Variants in NME7 observed in about 807,000 individuals in gnomAD.
NME7 encodes the protein NME/NM23 family member 7.
In NME7, 41 loss-of-function variants were observed where a neutral mutation model predicts 49.1. The ratio of observed to expected loss-of-function variants is 0.83; its 90% CI spans 0.65 to 1.08. The LOEUF is 1.08. Ranked by LOEUF, NME7 falls within the 50% of genes least tolerant of loss-of-function variation. NME7 has a pLI of 0.00. For synonymous variants in NME7, 139 were observed against 150.6 expected, an observed-to-expected ratio of 0.92 and a Z score of 0.56; for missense variants, 423 against 463.4, an observed-to-expected ratio of 0.91 and a Z score of 0.80.
rs1249686999 is a variant in NME7, at chr1:169,253,033, T to C, written c.755-15346A>G. Among the ~76,000 whole-genome samples, 8 of 150,986 alleles carry C rather than the reference T, an allele frequency of 5.3e-5. No individual in the cohort carries two copies. In the South Asian group the frequency reaches 1.7e-3, roughly 31 times the overall value. On this transcript the variant is annotated intron_variant, in intron 7 of 11. Coordinates refer to ENST00000367811, the MANE Select transcript of NME7 (RefSeq NM_013330.5). ...TTTGTTCTTTTGGCTTAGGATTGAC[T>C]TGGCGATGCGGGCTCTTTTTTGGTT...
At chr1:169,312,624 C>T (rs1651441108) in intron 3 of NME7, among the ~76,000 whole-genome samples, 1 of 152,160 alleles carries the variant, frequency 6.6e-6, no homozygotes, top group African/African-American at 2.4e-5. Flanking sequence ...CAGAAAATAA[C>T]AATTCTCACA....
intron 7 of NME7, chr1:169,285,541 G>C (rs1346046126): frequency 6.7e-6 from 1 of 150,028 alleles, no homozygotes; most frequent in Non-Finnish European, 1.5e-5. Flanking sequence ...AGAGGGAACA[G>C]AATGGAGATT....
chr1:169,240,280 T>C (rs1488884207), intron 7 of NME7, among the ~76,000 whole-genome samples: 1 of 151,960 alleles, frequency 6.6e-6, no homozygotes, highest in Non-Finnish European at 1.5e-5. Context: ...GAAGAGATTA[T>C]AGTATTTTTT....
intron 1 of NME7, among the ~76,000 whole-genome samples, chr1:169,360,025 G>T (rs1653600540): frequency 6.6e-6 from 1 of 152,168 alleles, no homozygotes. Context: ...TGAATACAAA[G>T]TTCATTGGGA....
intron 11 of NME7, among the ~76,000 whole-genome samples, chr1:169,152,752 G>A (rs995915317): frequency 6.6e-6 from 1 of 152,124 alleles, no homozygotes; most frequent in Non-Finnish European, 1.5e-5. Context: ...GTTACTGGAT[G>A]ATCAGAGTAT....
chr1:169,151,515 C>A (rs1658914522), intron 11 of NME7, among the ~76,000 whole-genome samples: 1 of 152,078 alleles, frequency 6.6e-6, no homozygotes, highest in African/African-American at 2.4e-5. Context: ...CCTCGGTGAC[C>A]CAGGGCTCAG....
intron 11 of NME7, among the ~76,000 whole-genome samples, chr1:169,158,929 A>C (rs1659161859): frequency 6.6e-6 from 1 of 152,232 alleles, no homozygotes. Flanking sequence ...CCTGGAGAAG[A>C]TACTGCTTTT....
At chr1:169,234,759 T>C (rs1558000174) in intron 9 of NME7, among the ~76,000 whole-genome samples, 1 of 152,224 alleles carries the variant, frequency 6.6e-6, no homozygotes, top group South Asian at 2.1e-4. Context: ...TTTAGGAAGC[T>C]GCAGGCTGGT....
intron 3 of NME7, among the ~76,000 whole-genome samples, chr1:169,320,453 GA>G (rs1414256840): frequency 6.6e-6 from 1 of 152,136 alleles, no homozygotes; most frequent in African/African-American, 2.4e-5. Flanking sequence ...CTTTACTATA[GA>G]AAGAAAAGAG....
intron 6 of NME7, among the ~76,000 whole-genome samples, chr1:169,287,729 C>T (rs1650333814): frequency 6.7e-6 from 1 of 148,700 alleles, no homozygotes; most frequent in Non-Finnish European, 1.5e-5. Flanking sequence ...CTTATTCTCC[C>T]CAAAGCATTA....
At chr1:169,355,016 A>C (rs1381742986) in intron 1 of NME7, among the ~76,000 whole-genome samples, 2 of 42,012 alleles carry the variant, frequency 4.8e-5, no homozygotes, top group Non-Finnish European at 1.2e-4. Flanking sequence ...GTTTATATAT[A>C]ATATAATTAT....
intron 7 of NME7, among the ~76,000 whole-genome samples, chr1:169,280,040 T>C (rs1226730149): frequency 6.6e-6 from 1 of 152,220 alleles, no homozygotes; most frequent in Non-Finnish European, 1.5e-5. Context: ...ATCACCACAC[T>C]GTTTTCCACA....
intron 1 of NME7, among the ~76,000 whole-genome samples, chr1:169,357,130 G>A (rs908866408): frequency 2.0e-5 from 3 of 151,868 alleles, no homozygotes; most frequent in Non-Finnish European, 4.4e-5. Context: ...ATCCCTATAA[G>A]GGAACTAGTA....
At chr1:169,171,720 C>T (rs756792028) in intron 10 of NME7, among the ~76,000 whole-genome samples, 5 of 151,924 alleles carry the variant, frequency 3.3e-5, no homozygotes, top group Non-Finnish European at 5.9e-5. Flanking sequence ...GCCGAGATCA[C>T]GCCACTGCAC....
chr1:169,132,794 C>CAAGAT lies in NME7; in HGVS notation c.1117_1121dup (p.Asp375SerfsTer18). The stretch of plus-strand genomic sequence containing the variant: ...TTTACTTTCCACACCACTAATTATC[C>CAAGAT]AAGATCTTGAAGAAGTATTGAACCT... On this transcript the variant is annotated frameshift_variant, in exon 12 of 12. Coordinates refer to ENST00000367811, the MANE Select transcript of NME7 (RefSeq NM_013330.5). LOFTEE classifies it high-confidence loss of function. 6.2e-7 allele frequency: 1 copy of CAAGAT among 1,613,120 alleles called. No individual in the cohort carries two copies.
intron 10 of NME7, among the ~76,000 whole-genome samples, chr1:169,171,212 A>T (rs1659577198): frequency 6.6e-6 from 1 of 151,994 alleles, no homozygotes. Flanking sequence ...TACAAAAAAT[A>T]CAAAAATTAG....
chr1:169,221,787 C>T, intron 10 of NME7, among the ~76,000 whole-genome samples: 1 of 151,810 alleles, frequency 6.6e-6, no homozygotes, highest in South Asian at 2.1e-4. Context: ...TGCAGTGGTG[C>T]GATCATGGCT....
chr1:169,278,768 TAG>T (rs1649863067), intron 7 of NME7, among the ~76,000 whole-genome samples: 7 of 152,348 alleles, frequency 4.6e-5, no homozygotes, highest in Admixed American at 3.9e-4. Context: ...CTCTGCTTTT[TAG>T]AGTTTCCAGT....
At chr1:169,250,229 C>T (rs147217788) in intron 7 of NME7, among the ~76,000 whole-genome samples, 2,261 of 152,050 alleles carry the variant, frequency 0.015, 61 homozygotes, top group African/African-American at 0.051. Context: ...GGAATTTATC[C>T]ATTTCCTCTA....
Sources: allele counts gnomAD v4.1 joint callset (sites outside exome capture counted in the v4.1 genomes callset), GRCh38; gene constraint gnomAD v4.1.1; transcripts MANE v1.5; gene names NCBI Gene and HGNC (gene_info 2026-07-23, HGNC 2026-07-21).